The following DSCAM variants were observed in gnomAD, a reference collection of about 807,000 sequenced individuals.
DSCAM encodes the protein DS cell adhesion molecule, also known as cell adhesion molecule DSCAM.
Under a neutral mutation model 217.7 loss-of-function variants are expected in DSCAM, and 47 were observed. That is an observed-to-expected ratio of 0.22 (90% confidence interval 0.17 to 0.28). The LOEUF (loss-of-function observed/expected upper bound fraction) is 0.28, where lower values mean the gene tolerates loss of function less well. Among genes scored for constraint, DSCAM ranks in the 10% least tolerant of loss-of-function variants. The pLI is 1.00. For missense variants in DSCAM, 2,080 were observed against 2,618.3 expected (o/e 0.79, Z 4.49); for synonymous variants, 1,056 against 1,015.3 (o/e 1.04, Z -0.76).
At chr21:40,431,579 G>T (rs1196705754) in intron 3 of DSCAM, among the ~76,000 whole-genome samples, 3 of 152,164 alleles carry the variant, frequency 2.0e-5, no homozygotes, top group African/African-American at 7.2e-5. Flanking sequence ...TCCACCTAAT[G>T]AATAGTAAGC....
chr21:40,071,665 A>T (rs183892672), intron 27 of DSCAM, among the ~76,000 whole-genome samples: 4 of 152,364 alleles, frequency 2.6e-5, no homozygotes, highest in Admixed American at 2.6e-4. Context: ...TGCTCACGCA[A>T]CACTGACATG....
chr21:40,601,632 T>C (rs941567605), intron 3 of DSCAM, among the ~76,000 whole-genome samples: 1 of 152,200 alleles, frequency 6.6e-6, no homozygotes, highest in Admixed American at 6.5e-5. Context: ...TTAAGTATGA[T>C]GTCTGTTATA....
intron 10 of DSCAM, among the ~76,000 whole-genome samples, chr21:40,284,857 T>C (rs534335235): frequency 6.6e-6 from 1 of 152,304 alleles, no homozygotes; most frequent in African/African-American, 2.4e-5. Context: ...CACATAATTG[T>C]GTCCACTGTG....
chr21:40,724,176 C>T (rs1338638078), intron 1 of DSCAM, among the ~76,000 whole-genome samples: 2 of 152,128 alleles, frequency 1.3e-5, no homozygotes, highest in South Asian at 2.1e-4. Context: ...TACGTTCCGG[C>T]ATTTACATTT....
intron 27 of DSCAM, among the ~76,000 whole-genome samples, chr21:40,072,409 GGA>G (rs2089305326): frequency 6.7e-6 from 1 of 149,958 alleles, no homozygotes; most frequent in Non-Finnish European, 1.5e-5. Context: ...TGCAGTGGCG[GGA>G]TCTCGGCTCA....
At chr21:40,695,198 A>G (rs2090583030) in intron 2 of DSCAM, among the ~76,000 whole-genome samples, 1 of 152,158 alleles carries the variant, frequency 6.6e-6, no homozygotes, top group African/African-American at 2.4e-5. Context: ...TCAGACAGGA[A>G]AGTGAGAAGA....
At chr21:40,351,434 G>A (rs117975536) in intron 5 of DSCAM, among the ~76,000 whole-genome samples, 114 of 152,318 alleles carry the variant, frequency 7.5e-4, no homozygotes, top group Admixed American at 2.5e-3. Flanking sequence ...AAAGAAAGCT[G>A]GTTGACACAC....
chr21:40,011,636 G>C lies in DSCAM; in HGVS notation c.*1398C>G, dbSNP rs965535001. The C allele has an allele frequency of 2.0e-5, 3 of 152,326 alleles. No individual in the cohort carries two copies. In the South Asian group the frequency reaches 6.2e-4, roughly 32 times the overall value. The allele number at this position is 152,326 out of a possible 1,614,324, so 9.4% of individuals were successfully genotyped here. A position where few individuals can be genotyped will look rare whatever the true frequency, so the allele number is the denominator to read the frequency against. On this transcript the variant is annotated 3_prime_UTR_variant, in exon 33 of 33. Coordinates refer to ENST00000400454, the MANE Select transcript of DSCAM (RefSeq NM_001389.5). ...TCATAAAGCAAACCCTGTGAGGGTT[G>C]TGGGATAAAGAATGCAGTTCCGACT...
At chr21:40,701,613 T>A (rs2090657346) in intron 2 of DSCAM, among the ~76,000 whole-genome samples, 1 of 152,130 alleles carries the variant, frequency 6.6e-6, no homozygotes, top group African/African-American at 2.4e-5. Flanking sequence ...ATATATATTG[T>A]GTGTTCATTT....
chr21:40,838,222 C>G (rs985001533), intron 1 of DSCAM, among the ~76,000 whole-genome samples: 1 of 152,210 alleles, frequency 6.6e-6, no homozygotes, highest in Non-Finnish European at 1.5e-5. Context: ...TTCCCATCAT[C>G]CAGCAGTTCA....
chr21:40,270,253 C>G (rs2073597387), intron 11 of DSCAM, among the ~76,000 whole-genome samples: 1 of 152,178 alleles, frequency 6.6e-6, no homozygotes. Flanking sequence ...TATGCTTAAA[C>G]AATTCTGGGG....
At position 40,287,670 on chromosome 21, in the gene DSCAM, C is replaced by G. The variant is rs556413455; in HGVS notation, c.2182+8385G>C. ...CAAAAGAATCAAGTTCCTGTTGCCC[C>G]CTGTGATGAGTCTATAACCACAGGG... On this transcript the variant is annotated intron_variant, in intron 10 of 32. Coordinates refer to ENST00000400454, the MANE Select transcript of DSCAM (RefSeq NM_001389.5). 8.5e-5 allele frequency among the ~76,000 whole-genome samples: 13 copies of G among 152,252 alleles called. No homozygotes were observed. In the South Asian group the frequency reaches 2.3e-3, roughly 27 times the overall value.
intron 3 of DSCAM, among the ~76,000 whole-genome samples, chr21:40,662,939 A>G (rs1475903844): frequency 6.6e-6 from 1 of 152,238 alleles, no homozygotes; most frequent in African/African-American, 2.4e-5. Context: ...AAACAAAATA[A>G]AAAGGGGAGA....
At position 40,716,034 on chromosome 21, in the gene DSCAM, G is replaced by GA. The variant is rs1010632660; in HGVS notation, c.44-7264dup. On this transcript the variant is annotated intron_variant, in intron 1 of 32. Transcript: ENST00000400454. ...TGTGAAATTATTTAAATGACTGCAGGAAAAAAATGATAAATAAATGTTTAA... is the reference window on the plus strand; with the variant it reads ...TGTGAAATTATTTAAATGACTGCAGGAAAAAAAATGATAAATAAATGTTTAA... Among the ~76,000 whole-genome samples, 72 of 152,102 alleles carry GA rather than the reference G, an allele frequency of 4.7e-4. 1 individual carries two copies. The highest frequency in any genetic ancestry group is 1.4e-3 in the African/African-American group (59 of 41,516).
intron 3 of DSCAM, among the ~76,000 whole-genome samples, chr21:40,528,898 CTTTT>C (rs911356584): frequency 7.0e-5 from 7 of 99,386 alleles, no homozygotes; most frequent in African/African-American, 2.9e-4. Flanking sequence ...AGGCTTTCCA[CTTTT>C]TTTTTTTTTT....
chr21:40,200,985 T>C (rs1048281942), intron 11 of DSCAM, among the ~76,000 whole-genome samples: 1 of 152,354 alleles, frequency 6.6e-6, no homozygotes, highest in Non-Finnish European at 1.5e-5. Flanking sequence ...AAATGATTTT[T>C]CCAGCCAGGA....
intron 3 of DSCAM, among the ~76,000 whole-genome samples, chr21:40,518,447 T>TTA (rs373629797): frequency 3.1e-4 from 2 of 6,548 alleles, no homozygotes; most frequent in East Asian, 5.6e-3. Flanking sequence ...ATTATATATA[T>TTA]TATATATTAT....
At chr21:40,695,720 G>A (rs1159077888) in intron 2 of DSCAM, among the ~76,000 whole-genome samples, 4 of 152,202 alleles carry the variant, frequency 2.6e-5, no homozygotes, top group Non-Finnish European at 5.9e-5. Context: ...CATATTTTGA[G>A]ACTGAATATA....
intron 3 of DSCAM, among the ~76,000 whole-genome samples, chr21:40,672,312 C>T (rs1568975963): frequency 6.6e-6 from 1 of 152,012 alleles, no homozygotes; most frequent in Non-Finnish European, 1.5e-5. Flanking sequence ...ATTATAGTGC[C>T]TAATAATTAC....
Sources: gnomAD v4.1 joint callset for allele counts (sites outside exome capture counted in the v4.1 genomes callset) on GRCh38, gnomAD v4.1.1 for gene constraint, MANE v1.5 for transcripts, NCBI Gene and HGNC (gene_info 2026-07-23, HGNC 2026-07-21) for gene names.